LAYN: variants seen among roughly 807,000 people sequenced by gnomAD.
The protein encoded by LAYN is layilin.
Under a neutral mutation model 43.6 loss-of-function variants are expected in LAYN, and 38 were observed. The ratio of observed to expected loss-of-function variants is 0.87; its 90% confidence interval spans 0.67 to 1.14. The LOEUF (loss-of-function observed/expected upper bound fraction) is 1.14, where lower values mean the gene tolerates loss of function less well. Among genes scored for constraint, LAYN ranks in the 50% most tolerant of loss-of-function variants. The pLI, the probability that LAYN is intolerant of heterozygous loss-of-function variation, is 0.00. For synonymous variants in LAYN, 168 were observed against 172.9 expected (o/e 0.97, Z 0.22); for missense variants, 479 against 463.8 (o/e 1.03, Z -0.30).
chr11:111,541,519 G>C (rs1220645669), intron 1 of LAYN: 13 of 1,532,632 alleles, frequency 8.5e-6, no homozygotes, highest in Non-Finnish European at 1.0e-5. Context: ...CCTGACTCCG[G>C]GGAATGACTC....
chr11:111,546,978 A>T (rs1023911279), intron 2 of LAYN, among the ~76,000 whole-genome samples: 1 of 152,184 alleles, frequency 6.6e-6, no homozygotes, highest in African/African-American at 2.4e-5. Flanking sequence ...GCTGCATCAT[A>T]TGGCCCAAGT....
chr11:111,549,207 A>T (rs1483828732), intron 2 of LAYN, among the ~76,000 whole-genome samples: 1 of 152,190 alleles, frequency 6.6e-6, no homozygotes, highest in Admixed American at 6.5e-5. Flanking sequence ...TCATGGAGAG[A>T]TGAGAGCAGG....
chr11:111,543,783 C>T, intron 1 of LAYN, 140 bp from the exon 2 acceptor site: 1 of 678,836 alleles, frequency 1.5e-6, no homozygotes, highest in Non-Finnish European at 2.5e-6. Context: ...GCTCTGAGAA[C>T]CCCAACTGAC....
chr11:111,554,026 G>C (rs1456079287), intron 3 of LAYN, among the ~76,000 whole-genome samples: 1 of 152,172 alleles, frequency 6.6e-6, no homozygotes, highest in Non-Finnish European at 1.5e-5. Flanking sequence ...CAGAGCTCTA[G>C]ATCACCAGCC....
chr11:111,540,947 G>A lies in LAYN; in HGVS notation c.85+19G>A, dbSNP rs975299191. The A allele has an allele frequency of 3.9e-6, 6 of 1,528,332 alleles. No homozygotes were observed. The African/African-American group carries it at 8.3e-5, about 21-fold the overall frequency. 94.7% of individuals were successfully genotyped at this position (1,528,332 alleles called of 1,614,324 possible). Reference sequence around the variant, plus strand: ...CTGAGTGGTGAGTGCGCGCGCTGGGGCGGGGGCTGGTGCCGGGGTGGGCTC... The same window carrying A: ...CTGAGTGGTGAGTGCGCGCGCTGGGACGGGGGCTGGTGCCGGGGTGGGCTC... On this transcript the variant is annotated intron_variant, in intron 1 of 6. Coordinates refer to ENST00000375614, the MANE Select transcript of LAYN (RefSeq NM_178834.5).
At chr11:111,559,984 A>ATGCAGC (rs1406500106) in intron 6 of LAYN, 111 bp from the exon 7 acceptor site, 2 of 1,269,350 alleles carry the variant, frequency 1.6e-6, no homozygotes, top group East Asian at 4.7e-5. Flanking sequence ...TAGACGAGAC[A>ATGCAGC]TGCAGCTGGG....
chr11:111,553,520 G>C (rs1347439220), intron 3 of LAYN, among the ~76,000 whole-genome samples: 1 of 151,634 alleles, frequency 6.6e-6, no homozygotes, highest in Non-Finnish European at 1.5e-5. Context: ...TTCGGAGGCT[G>C]AGGCAGGAGA....
At chr11:111,551,640 T>C (rs539851202) in intron 3 of LAYN, among the ~76,000 whole-genome samples, 2 of 152,278 alleles carry the variant, frequency 1.3e-5, no homozygotes, top group South Asian at 4.1e-4. Context: ...CCAAGAGCTC[T>C]TAATTTCTGT....
intron 4 of LAYN, 60 bp from the exon 5 acceptor site, chr11:111,555,147 T>C: frequency 7.5e-7 from 1 of 1,326,792 alleles, no homozygotes; most frequent in Non-Finnish European, 1.1e-6. Flanking sequence ...TGGTAGGACC[T>C]CAAAGAATAC....
At chr11:111,555,318 T>C in intron 5 of LAYN, 28 bp downstream of exon 5, 3 of 1,498,112 alleles carry the variant, frequency 2.0e-6, no homozygotes, top group South Asian at 2.3e-5. Flanking sequence ...CTGGGAAAGA[T>C]GAATAATCAG....
At chr11:111,548,973 C>A (rs73555154) in intron 2 of LAYN, among the ~76,000 whole-genome samples, 1,739 of 152,300 alleles carry the variant, frequency 0.011, 42 homozygotes, top group African/African-American at 0.039. Flanking sequence ...CTCTAGGGGG[C>A]TAGGGAGACA....
rs1018662634 is a variant in LAYN at position 111,545,471 on chromosome 11, C to A, written c.383+1251C>A. Among the ~76,000 whole-genome samples the A allele has an allele frequency of 1.3e-5, 2 of 152,232 alleles. 1 individual carries two copies. The highest frequency in any genetic ancestry group is 4.2e-4 in the South Asian group (2 of 4,810). ...ACCATCAAAATTGGGCAAGCAAATT[C>A]CAAGAGGTACCCAAATAGATAACTC... On this transcript the variant is annotated intron_variant, in intron 2 of 6. Transcript: ENST00000375614.
At chr11:111,544,710 T>C (rs111557284) in intron 2 of LAYN, among the ~76,000 whole-genome samples, 3,243 of 152,206 alleles carry the variant, frequency 0.021, 123 homozygotes, top group African/African-American at 0.073. Flanking sequence ...ACTCATCCCC[T>C]ACCCTGGAAA....
At chr11:111,549,905 C>T in intron 3 of LAYN, 130 bp downstream of exon 3, 2 of 927,636 alleles carry the variant, frequency 2.2e-6, no homozygotes, top group South Asian at 1.8e-5. Flanking sequence ...AACATAAAAC[C>T]TTAAGAATTC....
Position 111,558,766 on chromosome 11 carries a change from ATT to A in LAYN, c.761+1124_761+1125del, listed in dbSNP as rs1867888001. ...TCCAGAACAATATTTTATTTTATTTATTATTTTATTTAAAAAAATATATATAT... is the reference window on the plus strand; with the variant it reads ...TCCAGAACAATATTTTATTTTATTTAATTTTATTTAAAAAAATATATATAT... On this transcript the variant is annotated intron_variant, in intron 6 of 6. Coordinates refer to ENST00000375614, the MANE Select transcript of LAYN (RefSeq NM_178834.5). Among the ~76,000 whole-genome samples, 15 of 116,326 alleles carry A rather than the reference ATT, an allele frequency of 1.3e-4. No individual in the cohort carries two copies. The South Asian group carries it at 4.2e-3, about 32-fold the overall frequency. 76.3% of individuals were successfully genotyped at this position (116,326 alleles called of 152,430 possible).
In LAYN at chr11:111,540,912, G is replaced by T. The variant is rs377123221; in HGVS notation, c.69G>T (p.Thr23=). 9 of 1,531,974 alleles carry T rather than the reference G, an allele frequency of 5.9e-6. No individual in the cohort carries two copies. The highest frequency in any genetic ancestry group is 1.4e-5 in the African/African-American group (1 of 72,856). 94.9% of individuals were successfully genotyped at this position (1,531,974 alleles called of 1,614,324 possible). A position where few individuals can be genotyped will look rare whatever the true frequency, so the allele number is the denominator to read the frequency against. ...AVLLVGLRAA[T]GRLLSGQPVC... Reference sequence around the variant, plus strand: ...TGCTGGTGGGGCTGCGGGCCGCGACGGGTCGCCTGCTGAGTGGTGAGTGCG... The same window carrying T: ...TGCTGGTGGGGCTGCGGGCCGCGACTGGTCGCCTGCTGAGTGGTGAGTGCG... Residue 23 remains threonine, a synonymous_variant, in exon 1 of 7, where the codon ACG becomes ACT. Coordinates refer to ENST00000375614, the MANE Select transcript of LAYN (RefSeq NM_178834.5).
Position 111,541,080 on chromosome 11 carries a change from T to TG in LAYN, c.85+157dup. 9.6e-6 allele frequency: 7 copies of TG among 728,830 alleles called. No homozygotes were observed. The South Asian group carries it at 1.3e-4, about 13-fold the overall frequency. 45.1% of individuals were successfully genotyped at this position (728,830 alleles called of 1,614,324 possible). A position where few individuals can be genotyped will look rare whatever the true frequency, so the allele number is the denominator to read the frequency against. On this transcript the variant is annotated intron_variant, in intron 1 of 6. Transcript: ENST00000375614. ...CAGCCCTTCGGAGTCTCTTGCGTTC[T>TG]GGGGGCAGTCGCACGGCGTCTGAGA...
At position 111,544,023 on chromosome 11, in the gene LAYN, C is replaced by A; in HGVS notation, c.186C>A (p.Ala62=). ...RRLNFEEAKE[A]CRRDGGQLVS... ...TGAACTTTGAGGAAGCCAAAGAAGC[C>A]TGCAGGAGGGATGGAGGCCAGCTAG... Residue 62 remains alanine (A), a synonymous_variant, in exon 2 of 7, where the codon GCC becomes GCA. Coordinates refer to ENST00000375614, the MANE Select transcript of LAYN (RefSeq NM_178834.5). The A allele has an allele frequency of 6.2e-7, 1 of 1,614,182 alleles. No individual in the cohort carries two copies. The highest frequency in any genetic ancestry group is 8.5e-7 in the Non-Finnish European group (1 of 1,180,038).
At chr11:111,542,925 A>G (rs535053172) in intron 1 of LAYN, among the ~76,000 whole-genome samples, 7 of 152,256 alleles carry the variant, frequency 4.6e-5, no homozygotes, top group Admixed American at 1.3e-4. Flanking sequence ...GCAAGGCTTC[A>G]GTCACACAGA....
Sources: gnomAD v4.1 joint callset for allele counts (sites outside exome capture counted in the v4.1 genomes callset) on GRCh38, gnomAD v4.1.1 for gene constraint, MANE v1.5 for transcripts, NCBI Gene and HGNC (gene_info 2026-07-23, HGNC 2026-07-21) for gene names.